Variants in CCL17 observed in about 807,000 individuals in gnomAD.
The protein encoded by CCL17 is C-C motif chemokine ligand 17, also known as C-C motif chemokine 17.
CCL17 carries 8 observed loss-of-function variants against 7.4 expected under a neutral mutation model. The observed-to-expected ratio is 1.09, with a 90% confidence interval of 0.64 to 1.96. The LOEUF (loss-of-function observed/expected upper bound fraction) is 1.96, where lower values mean the gene tolerates loss of function less well. Among genes scored for constraint, CCL17 ranks in the 30% most tolerant of loss-of-function variants. The pLI is 0.00. For synonymous variants in CCL17, 40 were observed against 46.1 expected (o/e 0.87, Z 0.54); for missense variants, 102 against 113.0 (o/e 0.90, Z 0.44).
intron 1 of CCL17, among the ~76,000 whole-genome samples, chr16:57,408,104 C>A (rs1323326604): frequency 2.0e-5 from 3 of 151,902 alleles, no homozygotes; most frequent in African/African-American, 7.3e-5. Flanking sequence ...TTTATCCATT[C>A]ATCTACCCAT....
At chr16:57,412,911 C>T (rs568859427) in intron 1 of CCL17, among the ~76,000 whole-genome samples, 1 of 152,336 alleles carries the variant, frequency 6.6e-6, no homozygotes, top group African/African-American at 2.4e-5. Flanking sequence ...GAAGCCAGTT[C>T]ACCAACTTTA....
At chr16:57,403,580 TATATAA>T (rs1382764098), upstream of CCL17, among the ~76,000 whole-genome samples, 2 of 65,996 alleles carry the variant, frequency 3.0e-5, no homozygotes, top group Admixed American at 5.6e-4. Context: ...ATTTATAATA[TATATAA>T]TATATATTTA....
upstream of CCL17, among the ~76,000 whole-genome samples, chr16:57,403,222 TATTATC>T (rs1399810121): frequency 0.012 from 31 of 2,580 alleles, 1 homozygote; most frequent in Admixed American, 0.026. Context: ...TAATATATAT[TATTATC>T]TATAATATAT....
chr16:57,415,172 T>C lies in CCL17; in HGVS notation c.162T>C (p.Ser54=). 6.2e-7 allele frequency: 1 copy of C among 1,612,334 alleles called. No individual in the cohort carries two copies. Among genetic ancestry groups the C allele is most frequent in the Non-Finnish European group, 8.5e-7 (1 of 1,178,400 alleles). ...LRKLKTWYQT[S]EDCSRDAIVF... is the part of the protein sequence containing the mutation. The stretch of plus-strand genomic sequence containing the variant: ...AGCTGAAGACGTGGTACCAGACATC[T>C]GAGGACTGCTCCAGGGATGCCATCG... The change falls in exon 3 of 4, where the codon TCT becomes TCC. Residue 54 remains serine (S), a synonymous_variant. Transcript: ENST00000219244. This position sits in a 1 kb window ranked among gnomAD's most constrained non-coding sequence, Gnocchi z 4.5.
At chr16:57,414,410 C>CCT (rs1902834032) in intron 2 of CCL17, among the ~76,000 whole-genome samples, 1 of 75,966 alleles carries the variant, frequency 1.3e-5, no homozygotes, top group Non-Finnish European at 2.2e-5. Flanking sequence ...AAAAAGGATT[C>CCT]TTTTTTTTTT....
At chr16:57,408,543 CTGGGACAGGTGCA>C (rs1902734278) in intron 1 of CCL17, among the ~76,000 whole-genome samples, 1 of 151,798 alleles carries the variant, frequency 6.6e-6, no homozygotes, top group Non-Finnish European at 1.5e-5. Context: ...TCCAGAGTAG[CTGGGACAGGTGCA>C]CACTGTAACA....
intron 2 of CCL17, among the ~76,000 whole-genome samples, chr16:57,414,873 C>T (rs1902843608): frequency 1.3e-5 from 2 of 152,000 alleles, no homozygotes; most frequent in African/African-American, 2.4e-5. Flanking sequence ...CGGGACCCCA[C>T]AACATACACA....
the CCL17 span, among the ~76,000 whole-genome samples, chr16:57,398,764 A>G: frequency 1.3e-5 from 2 of 152,200 alleles, no homozygotes; most frequent in Non-Finnish European, 2.9e-5. Flanking sequence ...AAAGTTCAAG[A>G]TATCTAGAGT....
At chr16:57,405,808 T>G (rs1598010155) in intron 1 of CCL17, among the ~76,000 whole-genome samples, 1 of 149,662 alleles carries the variant, frequency 6.7e-6, no homozygotes, top group African/African-American at 2.5e-5. Context: ...CCGAGGCAGG[T>G]GGATCACGAG....
chr16:57,398,343 T>A, the CCL17 span, among the ~76,000 whole-genome samples: 3 of 152,178 alleles, frequency 2.0e-5, no homozygotes, highest in East Asian at 5.8e-4. Context: ...CGAGTCTGAG[T>A]AAGGACTCCA....
At chr16:57,401,427 G>A (rs1346522741), upstream of CCL17, among the ~76,000 whole-genome samples, 1 of 151,928 alleles carries the variant, frequency 6.6e-6, no homozygotes, top group Non-Finnish European at 1.5e-5. Context: ...AGGAGGCTGA[G>A]GTGGGAGAGT....
In CCL17 at chr16:57,415,305, C is replaced by T; in HGVS notation, c.188+107C>T. On this transcript the variant is annotated intron_variant, in intron 3 of 3. Coordinates refer to ENST00000219244, the MANE Select transcript of CCL17 (RefSeq NM_002987.3). This position sits in a 1 kb window ranked among gnomAD's most constrained non-coding sequence, Gnocchi z 4.5. ...GGGGAGCAGGGAAGAGACAGCGGGG[C>T]CTTCCTCCCCAACCCCTGCAGGCTC... 3.9e-6 allele frequency: 3 copies of T among 769,578 alleles called. No individual in the cohort carries two copies. The highest frequency in any genetic ancestry group is 6.9e-6 in the Non-Finnish European group (3 of 434,004). The allele number at this position is 769,578 out of a possible 1,614,324, so 47.7% of individuals were successfully genotyped here. A position where few individuals can be genotyped will look rare whatever the true frequency, so the allele number is the denominator to read the frequency against.
At chr16:57,408,003 C>CTCCA (rs1159444115) in intron 1 of CCL17, among the ~76,000 whole-genome samples, 1 of 149,102 alleles carries the variant, frequency 6.7e-6, no homozygotes, top group Admixed American at 6.7e-5. Context: ...CCATCCATCC[C>CTCCA]TCCATCCATC....
intron 2 of CCL17, 128 bp from the exon 3 acceptor site, chr16:57,414,953 T>G: frequency 2.8e-6 from 2 of 709,820 alleles, no homozygotes; most frequent in South Asian, 3.1e-5. Context: ...GTGATACACA[T>G]GCAGTCATCA....
At chr16:57,397,634 T>C in the CCL17 span, among the ~76,000 whole-genome samples, 1 of 152,336 alleles carries the variant, frequency 6.6e-6, no homozygotes, top group East Asian at 1.9e-4. Context: ...GATAACTCCA[T>C]GATTTTCTTG....
chr16:57,402,962 A>G (rs1447223967), upstream of CCL17, among the ~76,000 whole-genome samples: 1 of 147,486 alleles, frequency 6.8e-6, no homozygotes, highest in Non-Finnish European at 1.5e-5. Context: ...GACAGATAGT[A>G]AACAGCAGAC....
chr16:57,398,670 G>A, the CCL17 span, among the ~76,000 whole-genome samples: 1 of 152,210 alleles, frequency 6.6e-6, no homozygotes, highest in Non-Finnish European at 1.5e-5. Context: ...TGGTTCCTCT[G>A]GCTAAGATTA....
upstream of CCL17, chr16:57,404,718 C>T (rs756076971): frequency 2.6e-5 from 4 of 154,260 alleles, no homozygotes; most frequent in Non-Finnish European, 4.4e-5. Context: ...CCAAAGCCTT[C>T]TAATGTAATT....
chr16:57,406,052 AAG>A (rs1169778971), intron 1 of CCL17, among the ~76,000 whole-genome samples: 3 of 151,562 alleles, frequency 2.0e-5, no homozygotes, highest in African/African-American at 7.3e-5. Flanking sequence ...AAAAAAAAAA[AAG>A]AAGTCTTTAT....
Sources: allele counts gnomAD v4.1 joint callset (sites outside exome capture counted in the v4.1 genomes callset), GRCh38; gene constraint gnomAD v4.1.1; non-coding constraint Gnocchi (gnomAD v3.1); transcripts MANE v1.5; gene names NCBI Gene and HGNC (gene_info 2026-07-23, HGNC 2026-07-21).